The following SLC16A7 variants were observed in gnomAD, a reference collection of about 807,000 sequenced individuals.
SLC16A7 encodes the protein monocarboxylate transporter 2.
SLC16A7 carries 33 observed loss-of-function variants against 34.9 expected under a neutral mutation model. The observed-to-expected ratio is 0.94, with a 90% CI of 0.72 to 1.26. The LOEUF is 1.26. SLC16A7 is among the 50% of genes most tolerant of loss of function. The pLI, the probability that SLC16A7 is intolerant of heterozygous loss-of-function variation, is 0.00. For missense variants in SLC16A7, 573 were observed against 578.1 expected, an observed-to-expected ratio of 0.99 and a Z score of 0.09; for synonymous variants, 201 against 206.6, an observed-to-expected ratio of 0.97 and a Z score of 0.23.
chr12:59,725,603 AAGAT>A (rs1203540764), intron 3 of SLC16A7, among the ~76,000 whole-genome samples: 2 of 152,132 alleles, frequency 1.3e-5, no homozygotes, highest in African/African-American at 4.8e-5. Context: ...ATAACACTCT[AAGAT>A]AGATGAGATG....
chr12:59,698,271 T>C (rs541122172), intron 2 of SLC16A7, among the ~76,000 whole-genome samples: 292 of 151,954 alleles, frequency 1.9e-3, no homozygotes, highest in Non-Finnish European at 3.6e-3. Flanking sequence ...CTATTTATGA[T>C]TTTAAAGAAA....
chr12:59,733,493 C>T (rs1479425907), intron 3 of SLC16A7, among the ~76,000 whole-genome samples: 2 of 152,146 alleles, frequency 1.3e-5, no homozygotes, highest in South Asian at 4.1e-4. Flanking sequence ...ATACCACAAA[C>T]GGCTTCTACT....
At chr12:59,695,507 T>C (rs1872183306) in intron 2 of SLC16A7, among the ~76,000 whole-genome samples, 1 of 152,020 alleles carries the variant, frequency 6.6e-6, no homozygotes, top group Non-Finnish European at 1.5e-5. Flanking sequence ...TCCATCCTTA[T>C]GAATTTCTCA....
intron 2 of SLC16A7, among the ~76,000 whole-genome samples, chr12:59,694,994 G>A (rs1872112694): frequency 1.3e-5 from 2 of 151,960 alleles, no homozygotes; most frequent in African/African-American, 2.4e-5. Context: ...TTAAGGTGCT[G>A]TGAAATTTCA....
intron 2 of SLC16A7, among the ~76,000 whole-genome samples, chr12:59,684,028 G>A (rs992414704): frequency 2.0e-5 from 3 of 152,108 alleles, no homozygotes; most frequent in African/African-American, 7.2e-5. Flanking sequence ...TAAGAGAAAG[G>A]CCCAGTGCAA....
At position 59,779,650 on chromosome 12, in the gene SLC16A7, G is replaced by A. The variant is rs908517482; in HGVS notation, c.1408G>A (p.Val470Ile). The A allele has an allele frequency of 8.1e-6, 13 of 1,610,838 alleles. No individual in the cohort carries two copies. The highest frequency in any genetic ancestry group is 1.7e-5 in the Admixed American group (1 of 59,686). ...CGTCAAAGTTTCAAATGCACAGAGT[G>A]TAACCTCAGAAAGAGAAACTAACAT... The part of the protein sequence containing the change: ...VNVKVSNAQS[V>I]TSERETNI The change falls in exon 6 of 6, where the codon GTA becomes ATA. Residue 470 changes from valine (V) to isoleucine (I), a missense_variant. By Grantham distance (29) the Val-to-Ile change is conservative. Coordinates refer to ENST00000547379, the MANE Select transcript of SLC16A7 (RefSeq NM_001270623.2).
At chr12:59,747,916 T>A (rs1027424750) in intron 3 of SLC16A7, among the ~76,000 whole-genome samples, 1 of 152,070 alleles carries the variant, frequency 6.6e-6, no homozygotes, top group Non-Finnish European at 1.5e-5. Context: ...AAAAACAGAA[T>A]CATAGGCCAC....
chr12:59,784,103 A>G lies in SLC16A7; in HGVS notation c.*4424A>G, dbSNP rs1160524685. 1 of 152,242 alleles carries G rather than the reference A, an allele frequency of 6.6e-6. No individual in the cohort carries two copies. Among genetic ancestry groups the G allele is most frequent in the Non-Finnish European group, 1.5e-5 (1 of 68,048 alleles). The allele number at this position is 152,242 out of a possible 1,614,324, so 9.4% of individuals were successfully genotyped here. A position where few individuals can be genotyped will look rare whatever the true frequency, so the allele number is the denominator to read the frequency against. ...CTTTTTCTCATAAAAATAATGACAT[A>G]TTTGAGTCAGGCATAATACATTTTT... On this transcript the variant is annotated 3_prime_UTR_variant, in exon 6 of 6. Transcript: ENST00000547379.
chr12:59,707,417 A>G (rs1357862980), intron 3 of SLC16A7, among the ~76,000 whole-genome samples: 1 of 152,056 alleles, frequency 6.6e-6, no homozygotes, highest in Admixed American at 6.6e-5. Flanking sequence ...GGCATAATTA[A>G]CTTTCTCAAA....
intron 3 of SLC16A7, among the ~76,000 whole-genome samples, chr12:59,763,221 G>T (rs1881205581): frequency 1.3e-5 from 2 of 151,998 alleles, no homozygotes; most frequent in African/African-American, 2.4e-5. Flanking sequence ...GCAGATACAG[G>T]TTTTTGTCTC....
chr12:59,731,696 A>G lies in SLC16A7; in HGVS notation c.217+26678A>G, dbSNP rs547091658. 2.6e-5 allele frequency among the ~76,000 whole-genome samples: 4 copies of G among 152,270 alleles called. No individual in the cohort carries two copies. The East Asian group carries it at 7.7e-4, about 29-fold the overall frequency. ...AACATGGTTATAGTGCAGCTCCTGG[A>G]TCTTCCACATAGAGCTCATTTGGCC... is the stretch of plus-strand genomic sequence containing the variant. On this transcript the variant is annotated intron_variant, in intron 3 of 5. Coordinates refer to ENST00000547379, the MANE Select transcript of SLC16A7 (RefSeq NM_001270623.2).
At chr12:59,727,170 A>ATATATAATATATATATATATATAAT (rs1555174538) in intron 3 of SLC16A7, among the ~76,000 whole-genome samples, 1 of 144,380 alleles carries the variant, frequency 6.9e-6, no homozygotes, top group African/African-American at 2.7e-5. Flanking sequence ...ATATATATAT[A>ATATATAATATATATATATATATAAT]ATATATATAT....
intron 1 of SLC16A7, among the ~76,000 whole-genome samples, chr12:59,646,582 G>C (rs1048988693): frequency 9.9e-5 from 15 of 152,192 alleles, no homozygotes; most frequent in African/African-American, 3.6e-4. Context: ...CAGTGCAGAA[G>C]GTGAATGTGT....
chr12:59,720,106 T>G (rs548061581), intron 3 of SLC16A7: 40 of 700,108 alleles, frequency 5.7e-5, no homozygotes, highest in African/African-American at 5.6e-4. Context: ...TAGCTGTATA[T>G]TCCATCAGTT....
intron 1 of SLC16A7, among the ~76,000 whole-genome samples, chr12:59,642,016 A>G (rs758592158): frequency 5.9e-5 from 9 of 152,092 alleles, no homozygotes; most frequent in Non-Finnish European, 1.0e-4. Flanking sequence ...ATATAGTGTT[A>G]CAAAAAAAGT....
At chr12:59,706,232 T>C (rs1400631543) in intron 3 of SLC16A7, among the ~76,000 whole-genome samples, 2 of 152,156 alleles carry the variant, frequency 1.3e-5, no homozygotes, top group African/African-American at 4.8e-5. Flanking sequence ...TTCAATTCTT[T>C]CTACTTCAGC....
intron 1 of SLC16A7, among the ~76,000 whole-genome samples, chr12:59,642,257 T>A (rs1320804470): frequency 6.6e-6 from 1 of 152,028 alleles, no homozygotes; most frequent in Non-Finnish European, 1.5e-5. Context: ...TATAGTCCTG[T>A]TAGCCCATTG....
chr12:59,707,503 A>C (rs1294570168), intron 3 of SLC16A7, among the ~76,000 whole-genome samples: 1 of 152,016 alleles, frequency 6.6e-6, no homozygotes, highest in Non-Finnish European at 1.5e-5. Context: ...TATTTTATTC[A>C]TACTTATTTT....
At position 59,784,050 on chromosome 12, in the gene SLC16A7, A is replaced by G. The variant is rs1407503662; in HGVS notation, c.*4371A>G. 7.2e-5 allele frequency: 11 copies of G among 152,222 alleles called. No homozygotes were observed. Among genetic ancestry groups the G allele is most frequent in the Admixed American group, 7.2e-4 (11 of 15,284 alleles). 9.4% of individuals were successfully genotyped at this position (152,222 alleles called of 1,614,324 possible). A position where few individuals can be genotyped will look rare whatever the true frequency, so the allele number is the denominator to read the frequency against. Reference sequence around the variant, plus strand: ...TATCTCAAATAATGATAATTATTACATATAGACATAATTACTTCAATATGA... The same window carrying G: ...TATCTCAAATAATGATAATTATTACGTATAGACATAATTACTTCAATATGA... On this transcript the variant is annotated 3_prime_UTR_variant, in exon 6 of 6. Transcript: ENST00000547379.
Sources: allele counts gnomAD v4.1 joint callset (sites outside exome capture counted in the v4.1 genomes callset), GRCh38; gene constraint gnomAD v4.1.1; transcripts MANE v1.5; gene names NCBI Gene and HGNC (gene_info 2026-07-23, HGNC 2026-07-21).